The following DIAPH3 variants were observed in gnomAD, a reference collection of about 807,000 sequenced individuals.
DIAPH3 encodes the protein diaphanous related formin 3.
In DIAPH3, 117 loss-of-function variants were observed where a neutral mutation model predicts 144.3. That is an observed-to-expected ratio of 0.81 (90% CI 0.70 to 0.95). The LOEUF (loss-of-function observed/expected upper bound fraction) is 0.95. Among genes scored for constraint, DIAPH3 ranks in the 40% least tolerant of loss-of-function variants. The pLI is 0.00. For missense variants in DIAPH3, 1,421 were observed against 1,412.7 expected (o/e 1.01, Z -0.09); for synonymous variants, 519 against 488.9 (o/e 1.06, Z -0.81).
intron 18 of DIAPH3, among the ~76,000 whole-genome samples, chr13:59,918,633 G>A (rs936719873): frequency 2.6e-5 from 4 of 152,016 alleles, no homozygotes; most frequent in African/African-American, 9.7e-5. Context: ...TAGGCTTAGG[G>A]CACTCCCTAA....
intron 3 of DIAPH3, among the ~76,000 whole-genome samples, chr13:60,096,623 G>A (rs1425159450): frequency 5.3e-5 from 8 of 152,274 alleles, no homozygotes; most frequent in Admixed American, 4.6e-4. Context: ...CCCTCAGTAT[G>A]GGCAGGCACC....
intron 25 of DIAPH3, among the ~76,000 whole-genome samples, chr13:59,809,636 T>C (rs2040372818): frequency 6.6e-6 from 1 of 152,204 alleles, no homozygotes; most frequent in African/African-American, 2.4e-5. Context: ...CCATTTTTAT[T>C]CATACTTAAA....
intron 27 of DIAPH3, among the ~76,000 whole-genome samples, chr13:59,759,357 C>A (rs2037454263): frequency 1.3e-5 from 2 of 152,088 alleles, no homozygotes; most frequent in Admixed American, 1.3e-4. Flanking sequence ...GAAAACTAAT[C>A]ACAAATAACT....
chr13:59,912,149 T>C (rs1443078747), intron 19 of DIAPH3, among the ~76,000 whole-genome samples: 1 of 152,168 alleles, frequency 6.6e-6, no homozygotes, highest in Non-Finnish European at 1.5e-5. Context: ...CCTGGATGAA[T>C]GTGATCCATT....
chr13:59,744,122 T>C (rs12586019), intron 27 of DIAPH3, among the ~76,000 whole-genome samples: 2,529 of 152,300 alleles, frequency 0.017, 75 homozygotes, highest in East Asian at 0.12. Context: ...CTATGACTTG[T>C]ACATTTTCTG....
chr13:59,889,436 T>A (rs1715515915), intron 20 of DIAPH3, among the ~76,000 whole-genome samples: 1 of 152,120 alleles, frequency 6.6e-6, no homozygotes, highest in Admixed American at 6.5e-5. Flanking sequence ...AACTTTTCAA[T>A]AATTTCTATA....
chr13:59,683,478 T>C (rs1355916644), intron 27 of DIAPH3, among the ~76,000 whole-genome samples: 2 of 152,060 alleles, frequency 1.3e-5, no homozygotes, highest in East Asian at 1.9e-4. Flanking sequence ...GTGAAGGTAA[T>C]AGACACTAAT....
chr13:60,096,493 T>C (rs1301345268), intron 3 of DIAPH3, among the ~76,000 whole-genome samples: 1 of 152,226 alleles, frequency 6.6e-6, no homozygotes, highest in Admixed American at 6.5e-5. Context: ...TGGTTAATTT[T>C]AGGTTAGACT....
intron 25 of DIAPH3, among the ~76,000 whole-genome samples, chr13:59,799,412 C>T (rs1042440944): frequency 2.1e-5 from 3 of 143,298 alleles, no homozygotes; most frequent in Non-Finnish European, 4.6e-5. Context: ...CACACACACA[C>T]ACACACACAG....
At chr13:59,760,507 A>C (rs770574111) in intron 27 of DIAPH3, among the ~76,000 whole-genome samples, 1 of 152,216 alleles carries the variant, frequency 6.6e-6, no homozygotes, top group Non-Finnish European at 1.5e-5. Context: ...AAATACAACA[A>C]GATGTTTTAA....
chr13:59,719,556 G>C (rs2035235194), intron 27 of DIAPH3, among the ~76,000 whole-genome samples: 1 of 151,940 alleles, frequency 6.6e-6, no homozygotes, highest in East Asian at 1.9e-4. Context: ...ACACATTCCA[G>C]GCAATGGGTT....
intron 17 of DIAPH3, among the ~76,000 whole-genome samples, chr13:59,933,867 A>C (rs2048140712): frequency 6.6e-6 from 1 of 152,196 alleles, no homozygotes; most frequent in Non-Finnish European, 1.5e-5. Context: ...TAGTAGCAAA[A>C]TTATGTAAAG....
At chr13:59,898,422 GA>G (rs1227451994) in intron 20 of DIAPH3, among the ~76,000 whole-genome samples, 1 of 152,110 alleles carries the variant, frequency 6.6e-6, no homozygotes, top group Non-Finnish European at 1.5e-5. Flanking sequence ...CACAAGGAAG[GA>G]CAGTTGAAGG....
chr13:59,996,566 A>C (rs150642543), intron 9 of DIAPH3, among the ~76,000 whole-genome samples: 336 of 152,152 alleles, frequency 2.2e-3, no homozygotes, highest in African/African-American at 7.5e-3. Flanking sequence ...ACAAGGACTG[A>C]CATCAGCAAA....
At chr13:59,965,046 T>G (rs1328639271) in intron 17 of DIAPH3, among the ~76,000 whole-genome samples, 1 of 152,188 alleles carries the variant, frequency 6.6e-6, no homozygotes, top group Non-Finnish European at 1.5e-5. Flanking sequence ...TTTGTTTGTA[T>G]AGAGGAATAA....
At chr13:59,754,152 T>C (rs138255959) in intron 27 of DIAPH3, among the ~76,000 whole-genome samples, 3 of 152,316 alleles carry the variant, frequency 2.0e-5, no homozygotes, top group East Asian at 3.9e-4. Context: ...TCTCTACTTC[T>C]GATATTTTTG....
chr13:59,854,808 T>C (rs2043172844), intron 22 of DIAPH3, among the ~76,000 whole-genome samples: 1 of 152,160 alleles, frequency 6.6e-6, no homozygotes, highest in Non-Finnish European at 1.5e-5. Context: ...TGGCCCAAAA[T>C]CTGCAAACAC....
intron 20 of DIAPH3, among the ~76,000 whole-genome samples, chr13:59,910,439 T>C (rs1006114195): frequency 6.6e-6 from 1 of 152,080 alleles, no homozygotes; most frequent in Non-Finnish European, 1.5e-5. Context: ...TTAAAAGTTT[T>C]AGAAAAGGCC....
chr13:59,733,985 T>C (rs2036016777), intron 27 of DIAPH3, among the ~76,000 whole-genome samples: 1 of 152,266 alleles, frequency 6.6e-6, no homozygotes, highest in Non-Finnish European at 1.5e-5. Context: ...CCAGTATGCA[T>C]GCCCAATTGG....
Sources: gnomAD v4.1 joint callset for allele counts (sites outside exome capture counted in the v4.1 genomes callset) on GRCh38, gnomAD v4.1.1 for gene constraint, MANE v1.5 for transcripts, NCBI Gene and HGNC (gene_info 2026-07-23, HGNC 2026-07-21) for gene names.